NID1: variants seen among roughly 807,000 people sequenced by gnomAD.
NID1 encodes the protein nidogen-1.
Under a neutral mutation model 130.6 loss-of-function variants are expected in NID1, and 76 were observed. The ratio of observed to expected loss-of-function variants is 0.58; its 90% CI spans 0.48 to 0.70. The LOEUF is 0.70. Among genes scored for constraint, NID1 ranks in the 30% least tolerant of loss-of-function variants. The pLI is 0.00. For missense variants in NID1, 1,517 were observed against 1,664.8 expected, an observed-to-expected ratio of 0.91 and a Z score of 1.54; for synonymous variants, 665 against 675.1, an observed-to-expected ratio of 0.98 and a Z score of 0.23.
intron 2 of NID1, among the ~76,000 whole-genome samples, chr1:236,046,076 T>G (rs964162624): frequency 6.6e-6 from 1 of 152,190 alleles, no homozygotes; most frequent in African/African-American, 2.4e-5. Flanking sequence ...AAACATTTAT[T>G]GAACCCAAGC....
intron 11 of NID1, among the ~76,000 whole-genome samples, chr1:236,012,394 T>C (rs1484913239): frequency 1.3e-5 from 2 of 151,742 alleles, no homozygotes; most frequent in African/African-American, 4.8e-5. Context: ...CTGTTTCTAC[T>C]AAAAATATAA....
chr1:236,063,153 CAAAAAAA>C (rs57769010), intron 1 of NID1, among the ~76,000 whole-genome samples: 26,483 of 79,538 alleles, frequency 0.33, 3,067 homozygotes, highest in East Asian at 0.43. Flanking sequence ...GACTTCATCT[CAAAAAAA>C]AAAAAAAAAA....
rs1367735398 is a variant in NID1 at position 235,977,992 on chromosome 1, G to C, written c.3623-4C>G. 6.2e-7 allele frequency: 1 copy of C among 1,613,742 alleles called. No individual in the cohort carries two copies. The highest frequency in any genetic ancestry group is 1.1e-5 in the South Asian group (1 of 91,036). On this transcript the variant is annotated splice_region_variant and splice_polypyrimidine_tract_variant and intron_variant, in intron 19 of 19. Transcript: ENST00000264187. ...TTCACTGAGCAGTAGTTATGGCCTGGAAAAGGCAGAAATCAGTTCAATAGC... is the reference window on the plus strand; with the variant it reads ...TTCACTGAGCAGTAGTTATGGCCTGCAAAAGGCAGAAATCAGTTCAATAGC...
intron 6 of NID1, among the ~76,000 whole-genome samples, chr1:236,030,297 T>G (rs1659058326): frequency 6.6e-6 from 1 of 152,166 alleles, no homozygotes; most frequent in Non-Finnish European, 1.5e-5. Flanking sequence ...TCTTGGTCTG[T>G]GCAAGGCGGC....
intron 13 of NID1, among the ~76,000 whole-genome samples, chr1:235,993,444 A>G (rs1367097968): frequency 7.5e-6 from 1 of 132,908 alleles, no homozygotes; most frequent in Non-Finnish European, 1.5e-5. Flanking sequence ...AAGAGAACAG[A>G]GAGGGTGAGG....
intron 4 of NID1, among the ~76,000 whole-genome samples, chr1:236,039,120 C>G (rs1659368287): frequency 7.1e-6 from 1 of 140,446 alleles, no homozygotes; most frequent in Non-Finnish European, 1.5e-5. Flanking sequence ...CATTATATTA[C>G]ATTATATAAA....
At chr1:236,026,863 C>T (rs1033026335) in intron 7 of NID1, among the ~76,000 whole-genome samples, 1 of 152,024 alleles carries the variant, frequency 6.6e-6, no homozygotes, top group Admixed American at 6.5e-5. Context: ...CTCAGCCTCC[C>T]AAGTAGCTGG....
At chr1:236,064,236 T>C (rs1660126414) in intron 1 of NID1, among the ~76,000 whole-genome samples, 1 of 152,168 alleles carries the variant, frequency 6.6e-6, no homozygotes, top group Admixed American at 6.5e-5. Context: ...GGGGCCTCCG[T>C]GGTGACAATG....
At chr1:236,002,355 T>C (rs929311027) in intron 12 of NID1, among the ~76,000 whole-genome samples, 10 of 151,694 alleles carry the variant, frequency 6.6e-5, no homozygotes, top group Non-Finnish European at 1.0e-4. Context: ...ACACAAAAAT[T>C]AGCCAGGCGC....
intron 1 of NID1, among the ~76,000 whole-genome samples, chr1:236,059,261 T>C (rs928097157): frequency 1.3e-5 from 2 of 152,122 alleles, no homozygotes; most frequent in African/African-American, 4.8e-5. Flanking sequence ...GCTTCAAAGT[T>C]AGTGACTGGG....
intron 9 of NID1, among the ~76,000 whole-genome samples, chr1:236,023,499 T>G (rs1026427903): frequency 2.0e-5 from 3 of 152,146 alleles, no homozygotes; most frequent in Non-Finnish European, 4.4e-5. Flanking sequence ...ACAGAGTACG[T>G]TTTGCAAGAT....
intron 12 of NID1, among the ~76,000 whole-genome samples, chr1:235,996,519 T>C (rs894657332): frequency 6.6e-6 from 1 of 152,170 alleles, no homozygotes; most frequent in Non-Finnish European, 1.5e-5. Flanking sequence ...CTCAGTTCAC[T>C]GCAACCTTAA....
At chr1:236,039,055 T>TA in intron 4 of NID1, among the ~76,000 whole-genome samples, 1 of 135,454 alleles carries the variant, frequency 7.4e-6, no homozygotes, top group South Asian at 2.3e-4. Flanking sequence ...ACATTATATA[T>TA]TTATATATAC....
In NID1 at chr1:236,013,483, T is replaced by C. The variant is rs1658493632; in HGVS notation, c.2332A>G (p.Ile778Val). ...NCDIPQRAQC[I>V]YTGGSSYTCS... The stretch of plus-strand genomic sequence containing the variant: ...GTGTAGGAGGAGCCTCCTGTGTAGA[T>C]ACACTGGGCCCGCTGGGGTATGTCG... The change falls in exon 11 of 20, where the codon ATC becomes GTC. Residue 778 changes from isoleucine to valine, a missense_variant. Coordinates refer to ENST00000264187, the MANE Select transcript of NID1 (RefSeq NM_002508.3). 6.2e-7 allele frequency: 1 copy of C among 1,614,008 alleles called. No individual in the cohort carries two copies. The highest frequency in any genetic ancestry group is 8.5e-7 in the Non-Finnish European group (1 of 1,179,980).
At chr1:235,988,954 ATAACATT>A (rs1657646867) in intron 14 of NID1, among the ~76,000 whole-genome samples, 1 of 152,148 alleles carries the variant, frequency 6.6e-6, no homozygotes, top group South Asian at 2.1e-4. Flanking sequence ...TGATAGTTGC[ATAACATT>A]GTTTATATTC....
In NID1 at chr1:236,026,011, G is replaced by C; in HGVS notation, c.1869C>G (p.Ser623=). ...GCTGGGTGCTGGGCAGGGCTGGCCG[G>C]GAGTCATCGTGGACGCATTCCTGGA... ...ITFQECVHDD[S]RPALPSTQQL... is the part of the protein sequence containing the mutation. Residue 623 remains serine (S), a synonymous_variant, in exon 8 of 20, where the codon TCC becomes TCG. Coordinates refer to ENST00000264187, the MANE Select transcript of NID1 (RefSeq NM_002508.3). 6.2e-7 allele frequency: 1 copy of C among 1,613,746 alleles called. No individual in the cohort carries two copies. The highest frequency in any genetic ancestry group is 8.5e-7 in the Non-Finnish European group (1 of 1,179,974).
intron 9 of NID1, among the ~76,000 whole-genome samples, chr1:236,017,496 C>T (rs972426403): frequency 1.2e-4 from 19 of 152,120 alleles, no homozygotes; most frequent in Non-Finnish European, 1.9e-4. Flanking sequence ...AGTGATTCTC[C>T]TGCCTCAGCC....
At chr1:236,026,243 T>A in intron 7 of NID1, 102 bp from the exon 8 acceptor site, 1 of 1,456,090 alleles carries the variant, frequency 6.9e-7, no homozygotes, top group Non-Finnish European at 9.4e-7. Flanking sequence ...ACCAGTGGTA[T>A]TCCCTGCCCA....
rs144751317 is a variant in NID1 at position 236,033,295 on chromosome 1, G to A, written c.1286-643C>T. On this transcript the variant is annotated intron_variant, in intron 5 of 19. Coordinates refer to ENST00000264187, the MANE Select transcript of NID1 (RefSeq NM_002508.3). ...CGCACTCCAGCCTGGGTGACAGAGC[G>A]AGACTGTCTCAAAAAAAGAGAGAGA... 3.0e-3 allele frequency among the ~76,000 whole-genome samples: 460 copies of A among 152,258 alleles called. 5 individuals carry two copies. Among genetic ancestry groups the A allele is most frequent in the African/African-American group, 9.9e-3 (413 of 41,550 alleles).
Sources: allele counts gnomAD v4.1 joint callset (sites outside exome capture counted in the v4.1 genomes callset), GRCh38; gene constraint gnomAD v4.1.1; transcripts MANE v1.5; gene names NCBI Gene and HGNC (gene_info 2026-07-23, HGNC 2026-07-21).